The following RAB11FIP1 variants were observed in gnomAD, a reference collection of about 807,000 sequenced individuals.
RAB11FIP1 encodes RAB11 family interacting protein 1.
A neutral mutation model predicts 83.1 loss-of-function variants in RAB11FIP1; 49 were observed. That is an observed-to-expected ratio of 0.59 (90% confidence interval 0.47 to 0.75). The LOEUF is 0.75. Among genes scored for constraint, RAB11FIP1 ranks in the 30% least tolerant of loss-of-function variants. The probability of loss-of-function intolerance (pLI) is 0.00; values close to 1 mark genes in which losing one functional copy is unlikely to be tolerated. For synonymous variants in RAB11FIP1, 670 were observed against 656.0 expected, an observed-to-expected ratio of 1.02 and a Z score of -0.33; for missense variants, 1,536 against 1,598.7, an observed-to-expected ratio of 0.96 and a Z score of 0.67.
chr8:37,897,587 C>T (rs976418121), intron 1 of RAB11FIP1, among the ~76,000 whole-genome samples: 13 of 151,276 alleles, frequency 8.6e-5, no homozygotes, highest in Non-Finnish European at 1.6e-4. Flanking sequence ...ATGGTTTTTG[C>T]CCAGTTTTTA....
rs755764056 is a variant in RAB11FIP1, at chr8:37,871,339, G to T, written c.3463C>A (p.Pro1155Thr). Residue 1155 changes from proline (P) to threonine (T), a missense_variant, in exon 4 of 6, where the codon CCC (proline) becomes ACC (threonine). Transcript: ENST00000330843. ...RKPLLQAWVS[P>T]SETHPVSAQP... ...GCTGAGACTGGATGTGTCTCCGAGG[G>T]TGAGACCCAGGCCTGGAGGAGTGGC... 1 of 1,614,126 alleles carries T rather than the reference G, an allele frequency of 6.2e-7. No homozygotes were observed. The highest frequency in any genetic ancestry group is 1.7e-4 in the Middle Eastern group (1 of 6,024).
In RAB11FIP1 at chr8:37,874,588, G is replaced by A; in HGVS notation, c.1549C>T (p.Pro517Ser). The A allele has an allele frequency of 6.2e-7, 1 of 1,614,150 alleles. No individual in the cohort carries two copies. The highest frequency in any genetic ancestry group is 8.5e-7 in the Non-Finnish European group (1 of 1,180,018). Residue 517 changes from proline to serine, a missense_variant, in exon 3 of 6, where the codon CCA becomes TCA. By Grantham distance (74) the Pro-to-Ser change is moderately conservative. Coordinates refer to ENST00000330843, the MANE Select transcript of RAB11FIP1 (RefSeq NM_001002814.3). The part of the protein sequence containing the change: ...DVQITEPEAE[P>S]ESKSEPRPPI... Reference sequence around the variant, plus strand: ...GGTCTCGGTTCAGACTTGGACTCTGGCTCAGCTTCTGGTTCTGTGATCTGC... The same window carrying A: ...GGTCTCGGTTCAGACTTGGACTCTGACTCAGCTTCTGGTTCTGTGATCTGC...
chr8:37,871,993 G>A lies in RAB11FIP1; in HGVS notation c.2809C>T (p.Pro937Ser), dbSNP rs1034968731. 3.1e-6 allele frequency: 5 copies of A among 1,613,988 alleles called. No individual in the cohort carries two copies. In the African/African-American group the frequency reaches 5.3e-5, roughly 17 times the overall value. Reference sequence around the variant, plus strand: ...GAGACCAACTGAAGGTCACTCAAGGGGTCAGACAATAAACCTTCGTGGTCA... The same window carrying A: ...GAGACCAACTGAAGGTCACTCAAGGAGTCAGACAATAAACCTTCGTGGTCA... ...ASDHEGLLSD[P>S]LSDLQLVSDF... The change falls in exon 4 of 6, where the codon CCC becomes TCC. Residue 937 changes from proline to serine, a missense_variant. Pro to Ser is a moderately conservative substitution (Grantham distance 74, BLOSUM62 -1). Transcript: ENST00000330843.
intron 1 of RAB11FIP1, among the ~76,000 whole-genome samples, chr8:37,882,150 C>T (rs761532071): frequency 6.6e-5 from 10 of 152,148 alleles, no homozygotes; most frequent in Non-Finnish European, 1.3e-4. Flanking sequence ...CACACGGGCC[C>T]TTCTATTAGC....
chr8:37,877,387 C>T lies in RAB11FIP1; in HGVS notation c.536G>A (p.Gly179Glu). 1 of 1,614,192 alleles carries T rather than the reference C, an allele frequency of 6.2e-7. No individual in the cohort carries two copies. Residue 179 changes from glycine (G) to glutamate (E), a missense_variant, in exon 2 of 6, where the codon GGG becomes GAG. Gly to Glu is a moderately conservative substitution (Grantham distance 98). Transcript: ENST00000330843. ...GTCTGACCCACTGTCCTTATTCTTC[C>T]CCTTGATCTTGTCCTTCAGCTTTCC... ...PFGKLKDKIK[G>E]KNKDSGSDTA...
Position 37,859,438 on chromosome 8 carries a change from A to G in RAB11FIP1, c.*3457T>C, listed in dbSNP as rs1019588846. ...TCTTCATACCGGCATGTGCACACACACCTGTATCTCCTTCATACAGGCATA... is the reference window on the plus strand; with the variant it reads ...TCTTCATACCGGCATGTGCACACACGCCTGTATCTCCTTCATACAGGCATA... On this transcript the variant is annotated 3_prime_UTR_variant, in exon 6 of 6. Coordinates refer to ENST00000330843, the MANE Select transcript of RAB11FIP1 (RefSeq NM_001002814.3). 6.6e-6 allele frequency: 1 copy of G among 152,102 alleles called. No homozygotes were observed. The highest frequency in any genetic ancestry group is 1.5e-5 in the Non-Finnish European group (1 of 68,030). 9.4% of individuals were successfully genotyped at this position (152,102 alleles called of 1,614,324 possible).
At chr8:37,869,611 C>T (rs1027457884) in intron 5 of RAB11FIP1, among the ~76,000 whole-genome samples, 6 of 151,950 alleles carry the variant, frequency 3.9e-5, no homozygotes, top group African/African-American at 1.5e-4. Flanking sequence ...AAAAAGTTCC[C>T]TGATTTTAAT....
At chr8:37,888,463 C>T (rs1456322468) in intron 1 of RAB11FIP1, among the ~76,000 whole-genome samples, 1 of 151,608 alleles carries the variant, frequency 6.6e-6, no homozygotes, top group Non-Finnish European at 1.5e-5. Context: ...TCAGTGTGTA[C>T]TTTCTTTAAA....
intron 1 of RAB11FIP1, among the ~76,000 whole-genome samples, chr8:37,896,558 G>A (rs548232092): frequency 4.6e-5 from 7 of 152,146 alleles, no homozygotes; most frequent in African/African-American, 1.2e-4. Flanking sequence ...GGTGGTAATC[G>A]GTTCACATAA....
chr8:37,888,389 G>T (rs559294406), intron 1 of RAB11FIP1, among the ~76,000 whole-genome samples: 27 of 152,238 alleles, frequency 1.8e-4, no homozygotes, highest in Admixed American at 3.9e-4. Flanking sequence ...TTACAGGCGT[G>T]AGACACCACA....
chr8:37,887,055 C>T (rs1007487855), intron 1 of RAB11FIP1, among the ~76,000 whole-genome samples: 4 of 152,182 alleles, frequency 2.6e-5, no homozygotes, highest in Admixed American at 1.3e-4. Flanking sequence ...CACAGAATTA[C>T]CCATCAGCCG....
Position 37,874,865 on chromosome 8 carries a change from C to T in RAB11FIP1, c.1272G>A (p.Lys424=). The change falls in exon 3 of 6, where the codon AAG becomes AAA. Residue 424 remains lysine, a synonymous_variant. Coordinates refer to ENST00000330843, the MANE Select transcript of RAB11FIP1 (RefSeq NM_001002814.3). ...TCCTGCTCTCTGGCTTCTTGCTCTC[C>T]TTAGCTTCTTTTGTGGCCTCTGAGT... is the stretch of plus-strand genomic sequence containing the variant. ...PANSEATKEA[K]ESKKPESRRS... 1.9e-6 allele frequency: 3 copies of T among 1,614,158 alleles called. No homozygotes were observed. The highest frequency in any genetic ancestry group is 2.5e-6 in the Non-Finnish European group (3 of 1,180,032).
chr8:37,864,378 G>C (rs1806302215), intron 5 of RAB11FIP1, among the ~76,000 whole-genome samples: 1 of 152,230 alleles, frequency 6.6e-6, no homozygotes, highest in Non-Finnish European at 1.5e-5. Flanking sequence ...GAAATCTGTA[G>C]CCTGAGATTT....
intron 1 of RAB11FIP1, among the ~76,000 whole-genome samples, chr8:37,898,799 C>T (rs1807146567): frequency 6.6e-6 from 1 of 150,800 alleles, no homozygotes. Flanking sequence ...GCACTCCAGC[C>T]CGGGCGACAG....
chr8:37,859,160 G>A lies in RAB11FIP1; in HGVS notation c.*3735C>T, dbSNP rs1039298748. 2.0e-5 allele frequency: 3 copies of A among 151,748 alleles called. No homozygotes were observed. The highest frequency in any genetic ancestry group is 4.4e-5 in the Non-Finnish European group (3 of 68,028). 9.4% of individuals were successfully genotyped at this position (151,748 alleles called of 1,614,324 possible). On this transcript the variant is annotated 3_prime_UTR_variant, in exon 6 of 6. Coordinates refer to ENST00000330843, the MANE Select transcript of RAB11FIP1 (RefSeq NM_001002814.3). Reference sequence around the variant, plus strand: ...ATATGGAGACACCATATGGAGATACGGAGTTAAGTTTGGTGGATACTAGGA... The same window carrying A: ...ATATGGAGACACCATATGGAGATACAGAGTTAAGTTTGGTGGATACTAGGA...
At chr8:37,881,059 T>C (rs930831896) in intron 1 of RAB11FIP1, among the ~76,000 whole-genome samples, 7 of 152,304 alleles carry the variant, frequency 4.6e-5, no homozygotes, top group African/African-American at 1.7e-4. Flanking sequence ...CTTCTACACT[T>C]AGAGGAAAGG....
rs1459973336 is a variant in RAB11FIP1 at position 37,861,853 on chromosome 8, T to C, written c.*1042A>G. 3.6e-6 allele frequency: 1 copy of C among 275,044 alleles called. No individual in the cohort carries two copies. 17.0% of individuals were successfully genotyped at this position (275,044 alleles called of 1,614,324 possible). The stretch of plus-strand genomic sequence containing the variant: ...ATCCACCCTCCTCGGCCTTGCAAAG[T>C]GCTGGGATTACAGGCATGAGCCACC... On this transcript the variant is annotated 3_prime_UTR_variant, in exon 6 of 6. Coordinates refer to ENST00000330843, the MANE Select transcript of RAB11FIP1 (RefSeq NM_001002814.3).
chr8:37,859,222 C>T lies in RAB11FIP1; in HGVS notation c.*3673G>A, dbSNP rs1806186588. The T allele has an allele frequency of 6.6e-6, 1 of 151,958 alleles. No individual in the cohort carries two copies. The highest frequency in any genetic ancestry group is 1.5e-5 in the Non-Finnish European group (1 of 68,002). The allele number at this position is 151,958 out of a possible 1,614,324, so 9.4% of individuals were successfully genotyped here. A position where few individuals can be genotyped will look rare whatever the true frequency, so the allele number is the denominator to read the frequency against. ...CACCTAAGGCAATTAATTTTTCAGC[C>T]TTGAGAGATAATTAGTAGTTCTAGA... On this transcript the variant is annotated 3_prime_UTR_variant, in exon 6 of 6. Coordinates refer to ENST00000330843, the MANE Select transcript of RAB11FIP1 (RefSeq NM_001002814.3).
intron 5 of RAB11FIP1, among the ~76,000 whole-genome samples, chr8:37,864,194 C>T (rs1449928656): frequency 6.6e-6 from 1 of 152,230 alleles, no homozygotes; most frequent in Admixed American, 6.5e-5. Context: ...GCTGAGTGTT[C>T]CACTCCCGAG....
Sources: allele counts gnomAD v4.1 joint callset (sites outside exome capture counted in the v4.1 genomes callset), GRCh38; gene constraint gnomAD v4.1.1; transcripts MANE v1.5; gene names NCBI Gene and HGNC (gene_info 2026-07-23, HGNC 2026-07-21).